The following BMPR1B variants were observed in gnomAD, a reference collection of about 807,000 sequenced individuals.
BMPR1B encodes the protein bone morphogenetic protein receptor type-1B.
A neutral mutation model predicts 59.1 loss-of-function variants in BMPR1B; 12 were observed. That is an observed-to-expected ratio of 0.20 (90% CI 0.13 to 0.33). The LOEUF (loss-of-function observed/expected upper bound fraction) is 0.33, where lower values mean the gene tolerates loss of function less well. BMPR1B is among the 10% of genes least tolerant of loss of function. The probability of loss-of-function intolerance (pLI) is 1.00; values close to 1 mark genes in which losing one functional copy is unlikely to be tolerated. For synonymous variants in BMPR1B, 237 were observed against 207.3 expected (o/e 1.14, Z -1.23); for missense variants, 550 against 610.9 (o/e 0.90, Z 1.05).
intron 3 of BMPR1B, among the ~76,000 whole-genome samples, chr4:95,086,862 G>A (rs879615604): frequency 2.6e-5 from 4 of 152,056 alleles, no homozygotes; most frequent in Non-Finnish European, 5.9e-5. Flanking sequence ...GTTTTGAAAA[G>A]CTTTTGACAT....
intron 10 of BMPR1B, among the ~76,000 whole-genome samples, chr4:95,144,150 T>C (rs1015003790): frequency 1.3e-5 from 2 of 152,148 alleles, no homozygotes; most frequent in Non-Finnish European, 2.9e-5. Context: ...TTTCATTTTA[T>C]CCTGTTCTAT....
intron 2 of BMPR1B, among the ~76,000 whole-genome samples, chr4:94,958,402 G>C (rs1265301133): frequency 2.6e-5 from 4 of 152,156 alleles, no homozygotes; most frequent in African/African-American, 9.7e-5. Flanking sequence ...AGTTCTGGAG[G>C]CTGGAAGTCC....
chr4:95,042,239 T>C (rs1343262467), intron 3 of BMPR1B, among the ~76,000 whole-genome samples: 1 of 152,210 alleles, frequency 6.6e-6, no homozygotes, highest in Non-Finnish European at 1.5e-5. Context: ...TAACGGTATG[T>C]CATAATTTTT....
In BMPR1B at chr4:94,869,399, A is replaced by G. The variant is rs1157117616; in HGVS notation, c.-182-6432A>G. Among the ~76,000 whole-genome samples, 4 of 149,190 alleles carry G rather than the reference A, an allele frequency of 2.7e-5. No individual in the cohort carries two copies. In the East Asian group the frequency reaches 7.7e-4, roughly 29 times the overall value. ...AATTTCTTCCAGATCACATGCTGAA[A>G]TACCTTTTTTCTTTGAGGGTTCTCT... On this transcript the variant is annotated intron_variant, in intron 1 of 12. Transcript: ENST00000515059.
intron 3 of BMPR1B, among the ~76,000 whole-genome samples, chr4:95,086,425 T>G (rs150544126): frequency 6.6e-6 from 1 of 152,334 alleles, no homozygotes; most frequent in East Asian, 1.9e-4. Context: ...GAACCAGTAT[T>G]CTTAAGCATT....
chr4:94,954,079 A>G (rs1013042797), intron 2 of BMPR1B, among the ~76,000 whole-genome samples: 6 of 151,852 alleles, frequency 4.0e-5, no homozygotes, highest in African/African-American at 1.5e-4. Context: ...TGTATGCTTC[A>G]CAAAGTTCTT....
At chr4:94,839,845 C>T (rs1724980420) in intron 1 of BMPR1B, among the ~76,000 whole-genome samples, 1 of 150,276 alleles carries the variant, frequency 6.7e-6, no homozygotes, top group African/African-American at 2.5e-5. Flanking sequence ...GATGCAGTTT[C>T]TTCCTAGTCT....
intron 2 of BMPR1B, among the ~76,000 whole-genome samples, chr4:94,916,066 C>T (rs1363434733): frequency 6.6e-6 from 1 of 152,196 alleles, no homozygotes; most frequent in Non-Finnish European, 1.5e-5. Context: ...GCCAGACCCA[C>T]ACTTTCTGTA....
rs182050548 is a variant in BMPR1B at position 94,833,551 on chromosome 4, T to A, written c.-182-42280T>A. 2.6e-4 allele frequency among the ~76,000 whole-genome samples: 40 copies of A among 152,308 alleles called. No individual in the cohort carries two copies. In the East Asian group the frequency reaches 6.0e-3, roughly 23 times the overall value. Reference sequence around the variant, plus strand: ...ACTCATCTTCCCTTGGCCAACTGATTGTTTTCTCATGCTTCAGATTTGACT... The same window carrying A: ...ACTCATCTTCCCTTGGCCAACTGATAGTTTTCTCATGCTTCAGATTTGACT... On this transcript the variant is annotated intron_variant, in intron 1 of 12. Coordinates refer to ENST00000515059, the MANE Select transcript of BMPR1B (RefSeq NM_001203.3).
intron 1 of BMPR1B, among the ~76,000 whole-genome samples, chr4:94,803,393 A>T (rs1178992646): frequency 2.0e-5 from 3 of 151,880 alleles, no homozygotes; most frequent in African/African-American, 7.3e-5. Flanking sequence ...CATTGATGTG[A>T]CTCCACCCCC....
chr4:95,082,695 C>T (rs1264123148), intron 3 of BMPR1B, among the ~76,000 whole-genome samples: 1 of 152,018 alleles, frequency 6.6e-6, no homozygotes, highest in South Asian at 2.1e-4. Context: ...ATTCAGTACC[C>T]TTTTTTCATG....
chr4:94,897,840 T>A (rs1308383606), intron 2 of BMPR1B, among the ~76,000 whole-genome samples: 2 of 151,976 alleles, frequency 1.3e-5, no homozygotes, highest in Non-Finnish European at 2.9e-5. Context: ...TTTGATCTGA[T>A]TTGGGTATAT....
chr4:94,947,200 G>A (rs1729750269), intron 2 of BMPR1B, among the ~76,000 whole-genome samples: 1 of 152,316 alleles, frequency 6.6e-6, no homozygotes, highest in Admixed American at 6.5e-5. Context: ...ACTCAAAAAT[G>A]AGAGAATTGA....
intron 3 of BMPR1B, among the ~76,000 whole-genome samples, chr4:95,022,309 T>G (rs1328770587): frequency 6.6e-6 from 1 of 152,218 alleles, no homozygotes; most frequent in Non-Finnish European, 1.5e-5. Context: ...AAATATCTTT[T>G]TGTGCACTGT....
intron 3 of BMPR1B, among the ~76,000 whole-genome samples, chr4:95,060,229 G>C (rs1727251221): frequency 6.6e-6 from 1 of 151,936 alleles, no homozygotes; most frequent in Admixed American, 6.5e-5. Flanking sequence ...TATCCCAAGA[G>C]AGTTTGTACA....
At chr4:95,066,446 A>G (rs965363022) in intron 3 of BMPR1B, among the ~76,000 whole-genome samples, 6 of 152,252 alleles carry the variant, frequency 3.9e-5, no homozygotes, top group Non-Finnish European at 5.9e-5. Flanking sequence ...TATGATGGCA[A>G]AGATGAATAT....
chr4:95,121,461 G>A (rs1388654632), intron 6 of BMPR1B, among the ~76,000 whole-genome samples: 4 of 152,086 alleles, frequency 2.6e-5, no homozygotes, highest in Non-Finnish European at 4.4e-5. Context: ...CTTGTTCTTA[G>A]GAAGTACCCT....
intron 3 of BMPR1B, among the ~76,000 whole-genome samples, chr4:95,063,562 C>A (rs1387126387): frequency 6.6e-6 from 1 of 152,054 alleles, no homozygotes; most frequent in Non-Finnish European, 1.5e-5. Flanking sequence ...GCGTTTGTAT[C>A]TTTTCTTCTA....
intron 3 of BMPR1B, among the ~76,000 whole-genome samples, chr4:95,057,403 C>T (rs1727010993): frequency 6.6e-6 from 1 of 152,068 alleles, no homozygotes; most frequent in Admixed American, 6.6e-5. Flanking sequence ...CGCCACCACG[C>T]CCAGCTATTT....
Sources: allele counts gnomAD v4.1 joint callset (sites outside exome capture counted in the v4.1 genomes callset), GRCh38; gene constraint gnomAD v4.1.1; transcripts MANE v1.5; gene names NCBI Gene and HGNC (gene_info 2026-07-23, HGNC 2026-07-21).